The following PALM2AKAP2 variants were observed in gnomAD, a reference collection of about 807,000 sequenced individuals.
PALM2AKAP2 encodes PALM2 and AKAP2 fusion, also known as PALM2-AKAP2 fusion protein.
A neutral mutation model predicts 71.5 loss-of-function variants in PALM2AKAP2; 37 were observed. That is an observed-to-expected ratio of 0.52 (90% CI 0.40 to 0.68). PALM2AKAP2 has a LOEUF of 0.68. Among genes scored for constraint, PALM2AKAP2 ranks in the 30% least tolerant of loss-of-function variants. PALM2AKAP2 has a pLI of 0.00. For missense variants in PALM2AKAP2, 1,224 were observed against 1,191.8 expected (o/e 1.03, Z -0.40); for synonymous variants, 468 against 478.8 (o/e 0.98, Z 0.29).
At chr9:109,844,969 A>G (rs78904538) in intron 1 of PALM2AKAP2, among the ~76,000 whole-genome samples, 23,412 of 133,182 alleles carry the variant, frequency 0.18, 2,124 homozygotes, top group East Asian at 0.44. Flanking sequence ...GCATGTGCAC[A>G]CACGCATGCA....
At chr9:109,874,506 T>C (rs896420306) in intron 2 of PALM2AKAP2, among the ~76,000 whole-genome samples, 2 of 152,206 alleles carry the variant, frequency 1.3e-5, no homozygotes, top group Non-Finnish European at 2.9e-5. Context: ...GTAAAGCACA[T>C]AAAGCAGTAA....
intron 1 of PALM2AKAP2, among the ~76,000 whole-genome samples, chr9:109,711,201 G>T (rs1828230320): frequency 6.6e-6 from 1 of 152,058 alleles, no homozygotes; most frequent in East Asian, 1.9e-4. Flanking sequence ...TAGCCTGGTA[G>T]TAGCCTTGGT....
At chr9:110,015,539 G>A (rs1045880455) in intron 6 of PALM2AKAP2, among the ~76,000 whole-genome samples, 2 of 152,152 alleles carry the variant, frequency 1.3e-5, no homozygotes, top group African/African-American at 4.8e-5. Context: ...GCAGGAGGCG[G>A]AGGTTGCAGT....
At chr9:109,643,919 G>A (rs1827110492) in intron 1 of PALM2AKAP2, among the ~76,000 whole-genome samples, 1 of 152,158 alleles carries the variant, frequency 6.6e-6, no homozygotes, top group South Asian at 2.1e-4. Context: ...TGAGGCCTCA[G>A]GAAGCTTTCA....
intron 3 of PALM2AKAP2, among the ~76,000 whole-genome samples, chr9:109,886,442 T>C (rs940131009): frequency 6.6e-6 from 1 of 152,228 alleles, no homozygotes; most frequent in African/African-American, 2.4e-5. Context: ...AATACAGGGT[T>C]TTTAACTTCC....
intron 3 of PALM2AKAP2, among the ~76,000 whole-genome samples, chr9:110,159,681 T>C (rs77362864): frequency 4.8e-4 from 73 of 152,314 alleles, no homozygotes; most frequent in East Asian, 3.3e-3. Flanking sequence ...GGCTGAAGTT[T>C]TGCTGAGTGA....
At chr9:109,942,906 G>T in intron 6 of PALM2AKAP2, 1 of 1,614,182 alleles carries the variant, frequency 6.2e-7, no homozygotes, top group Non-Finnish European at 8.5e-7. Context: ...TTATTCAGAA[G>T]GCTGGACAAT....
At chr9:109,877,819 G>T (rs1829753063) in intron 2 of PALM2AKAP2, among the ~76,000 whole-genome samples, 1 of 152,154 alleles carries the variant, frequency 6.6e-6, no homozygotes, top group Non-Finnish European at 1.5e-5. Context: ...GTTCAGCATG[G>T]CCTCTTGCAG....
At chr9:110,146,799 T>C (rs746755628) in intron 2 of PALM2AKAP2, among the ~76,000 whole-genome samples, 7 of 151,660 alleles carry the variant, frequency 4.6e-5, no homozygotes, top group Non-Finnish European at 1.0e-4. Context: ...AGGGAGAGAG[T>C]GTATGGGGCA....
intron 6 of PALM2AKAP2, among the ~76,000 whole-genome samples, chr9:109,978,986 CCTT>C (rs375146204): frequency 2.6e-5 from 4 of 151,776 alleles, no homozygotes; most frequent in African/African-American, 9.7e-5. Context: ...CTGCTCCAGG[CCTT>C]CTTTTTTTTT....
At chr9:110,119,468 C>T (rs986211371) in intron 1 of PALM2AKAP2, among the ~76,000 whole-genome samples, 8 of 152,006 alleles carry the variant, frequency 5.3e-5, no homozygotes, top group Admixed American at 1.3e-4. Flanking sequence ...TCATTTTCTA[C>T]GTGTGCTTCT....
At chr9:109,842,047 C>A (rs539986617) in intron 1 of PALM2AKAP2, among the ~76,000 whole-genome samples, 1 of 151,944 alleles carries the variant, frequency 6.6e-6, no homozygotes, top group African/African-American at 2.4e-5. Flanking sequence ...AGGGTCTAAA[C>A]CCCACTTGAA....
chr9:109,927,099 G>C (rs921299754), intron 5 of PALM2AKAP2, among the ~76,000 whole-genome samples: 1 of 152,182 alleles, frequency 6.6e-6, no homozygotes, highest in African/African-American at 2.4e-5. Flanking sequence ...CCAGGGAAGA[G>C]TTTCCGTGGT....
At chr9:110,125,656 G>C (rs116135286) in intron 1 of PALM2AKAP2, 1 of 954,746 alleles carries the variant, frequency 1.0e-6, no homozygotes, top group Admixed American at 6.2e-5. Context: ...AAAGGACAGG[G>C]GTCTTTTTTT....
intron 3 of PALM2AKAP2, among the ~76,000 whole-genome samples, chr9:109,906,261 C>A (rs1830443487): frequency 6.6e-6 from 1 of 152,186 alleles, no homozygotes; most frequent in Admixed American, 6.5e-5. Context: ...TGCAGTGGTG[C>A]AATCTCGGCT....
intron 1 of PALM2AKAP2, among the ~76,000 whole-genome samples, chr9:109,821,631 C>G (rs1449246755): frequency 6.6e-6 from 1 of 152,186 alleles, no homozygotes. Context: ...ATGAAAGATA[C>G]TCTGGGATGG....
chr9:109,770,110 G>C (rs1360521443), intron 1 of PALM2AKAP2, among the ~76,000 whole-genome samples: 1 of 152,192 alleles, frequency 6.6e-6, no homozygotes, highest in African/African-American at 2.4e-5. Flanking sequence ...ACAGCCAATG[G>C]TTGGCTAGGT....
chr9:110,045,207 C>T (rs186746176), upstream of PALM2AKAP2, among the ~76,000 whole-genome samples: 1 of 152,214 alleles, frequency 6.6e-6, no homozygotes, highest in Admixed American at 6.5e-5. Flanking sequence ...GATTTTGTGC[C>T]CTTGATGGTA....
intron 1 of PALM2AKAP2, among the ~76,000 whole-genome samples, chr9:110,062,382 T>C (rs1833983624): frequency 6.6e-6 from 1 of 152,222 alleles, no homozygotes; most frequent in African/African-American, 2.4e-5. Context: ...CTGAGGATAA[T>C]GGCTTTGAGC....
Sources: gnomAD v4.1 joint callset for allele counts (sites outside exome capture counted in the v4.1 genomes callset) on GRCh38, gnomAD v4.1.1 for gene constraint, MANE v1.5 for transcripts, NCBI Gene and HGNC (gene_info 2026-07-23, HGNC 2026-07-21) for gene names.